MN1: variants seen among roughly 807,000 people sequenced by gnomAD.
MN1 encodes transcriptional activator MN1.
In MN1, 19 loss-of-function variants were observed where a neutral mutation model predicts 86.9. The observed-to-expected ratio is 0.22, with a 90% confidence interval of 0.15 to 0.32. The LOEUF is 0.32. Among genes scored for constraint, MN1 ranks in the 10% least tolerant of loss-of-function variants. The probability of loss-of-function intolerance (pLI) is 1.00; values close to 1 mark genes in which losing one functional copy is unlikely to be tolerated. For synonymous variants in MN1, 928 were observed against 849.6 expected, an observed-to-expected ratio of 1.09 and a Z score of -1.60; for missense variants, 1,841 against 1,862.0, an observed-to-expected ratio of 0.99 and a Z score of 0.21.
At chr22:27,769,552 A>ATTTTTTTTTTTTTTTTTTTTTTTTTTTT (rs58248602) in intron 1 of MN1, among the ~76,000 whole-genome samples, 1 of 83,268 alleles carries the variant, frequency 1.2e-5, no homozygotes, top group Non-Finnish European at 2.1e-5. Flanking sequence ...AAGGATGCCA[A>ATTTTTTTTTTTTTTTTTTTTTTTTTTTT]TTTTTTTTTT....
At chr22:27,790,819 C>T (rs1360815212) in intron 1 of MN1, among the ~76,000 whole-genome samples, 2 of 152,276 alleles carry the variant, frequency 1.3e-5, no homozygotes, top group East Asian at 1.9e-4. Flanking sequence ...CGAGGGGCGA[C>T]GTGCGTCTGC....
intron 1 of MN1, among the ~76,000 whole-genome samples, chr22:27,752,249 G>A (rs898574421): frequency 6.6e-5 from 10 of 152,132 alleles, no homozygotes; most frequent in Non-Finnish European, 5.9e-5. Context: ...AGTCAACCAG[G>A]CTGTTGATAT....
chr22:27,778,603 G>A (rs921835850), intron 1 of MN1, among the ~76,000 whole-genome samples: 1 of 152,206 alleles, frequency 6.6e-6, no homozygotes, highest in African/African-American at 2.4e-5. Flanking sequence ...TCCTCGCCAC[G>A]ACCCCGTTTA....
rs755169047 is a variant in MN1, at chr22:27,800,248, T to C, written c.296A>G (p.His99Arg). ...HGFFGGQQPH[H>R]GHPGSHHPHQ... ...GGGATGATGACTTCCCGGGTGGCCGTGGTGAGGCTGCTGGCCGCCAAAGAA... is the reference window on the plus strand; with the variant it reads ...GGGATGATGACTTCCCGGGTGGCCGCGGTGAGGCTGCTGGCCGCCAAAGAA... The change falls in exon 1 of 2, where the codon CAC becomes CGC. Residue 99 changes from histidine to arginine, a missense_variant. Transcript: ENST00000302326. 15 of 1,584,114 alleles carry C rather than the reference T, an allele frequency of 9.5e-6. No individual in the cohort carries two copies. Among genetic ancestry groups the C allele is most frequent in the Admixed American group, 7.1e-5 (4 of 56,054 alleles).
At chr22:27,789,744 T>C (rs913311575) in intron 1 of MN1, among the ~76,000 whole-genome samples, 3 of 152,246 alleles carry the variant, frequency 2.0e-5, no homozygotes, top group Admixed American at 6.5e-5. Context: ...TTCAGTTGCC[T>C]TATGTTTAAA....
At chr22:27,759,020 AGTTCACCAT>A (rs1422392985) in intron 1 of MN1, among the ~76,000 whole-genome samples, 1 of 151,988 alleles carries the variant, frequency 6.6e-6, no homozygotes, top group Non-Finnish European at 1.5e-5. Flanking sequence ...TACAGATGGG[AGTTCACCAT>A]GTTGCCCAAG....
At chr22:27,782,475 G>T (rs1011041297) in intron 1 of MN1, among the ~76,000 whole-genome samples, 1 of 152,194 alleles carries the variant, frequency 6.6e-6, no homozygotes, top group Non-Finnish European at 1.5e-5. Context: ...TCCCTAAGAT[G>T]GGACAAACAA....
intron 1 of MN1, among the ~76,000 whole-genome samples, chr22:27,790,384 G>A (rs978760300): frequency 1.3e-5 from 2 of 152,200 alleles, no homozygotes; most frequent in Non-Finnish European, 2.9e-5. Context: ...AAGATGGCAG[G>A]AAATGACCAG....
intron 1 of MN1, among the ~76,000 whole-genome samples, chr22:27,754,084 C>T (rs1369406343): frequency 6.6e-6 from 1 of 152,160 alleles, no homozygotes; most frequent in African/African-American, 2.4e-5. Flanking sequence ...AAGCTCCTTG[C>T]CAAAGGAGAG....
intron 1 of MN1, among the ~76,000 whole-genome samples, chr22:27,772,203 ACT>A (rs1312695117): frequency 6.6e-6 from 1 of 151,794 alleles, no homozygotes; most frequent in Non-Finnish European, 1.5e-5. Flanking sequence ...CTGCCAACAG[ACT>A]CAGCCCTCAG....
rs1331931583 is a variant in MN1 at position 27,799,639 on chromosome 22, T to TGCTGCTGCTGCTGGG, written c.890_904dup (p.Pro297_Gln301dup). ...ATGCTGCTGCTGCTGCTGCTGGGGC[T>TGCTGCTGCTGCTGGG]GCTGCTGCTGCTGGGGCTGCTGCTG... On this transcript the variant is annotated inframe_insertion, in exon 1 of 2. Transcript: ENST00000302326. 1 of 1,527,850 alleles carries TGCTGCTGCTGCTGGG rather than the reference T, an allele frequency of 6.5e-7. No individual in the cohort carries two copies. Among genetic ancestry groups the TGCTGCTGCTGCTGGG allele is most frequent in the South Asian group, 1.2e-5 (1 of 80,592 alleles). 94.6% of individuals were successfully genotyped at this position (1,527,850 alleles called of 1,614,324 possible). A position where few individuals can be genotyped will look rare whatever the true frequency, so the allele number is the denominator to read the frequency against.
intron 1 of MN1, among the ~76,000 whole-genome samples, chr22:27,757,001 T>C (rs964162146): frequency 6.6e-6 from 1 of 152,184 alleles, no homozygotes; most frequent in African/African-American, 2.4e-5. Flanking sequence ...GTTCAAGCAA[T>C]CCTCCCATCT....
rs945772538 is a variant in MN1 at position 27,788,647 on chromosome 22, T to C, written c.3781+8116A>G. 2.0e-5 allele frequency among the ~76,000 whole-genome samples: 3 copies of C among 151,896 alleles called. No individual in the cohort carries two copies. In the East Asian group the frequency reaches 5.8e-4, roughly 29 times the overall value. ...TTTTTTTTTTTTTGACATCTCATCC[T>C]TCCCTGAATGACTGGATGAGCAAGA... On this transcript the variant is annotated intron_variant, in intron 1 of 1. Coordinates refer to ENST00000302326, the MANE Select transcript of MN1 (RefSeq NM_002430.3).
rs1601318757 is a variant in MN1 at position 27,749,656 on chromosome 22, G to C, written c.*1259C>G. The C allele has an allele frequency of 8.6e-6, 2 of 231,814 alleles. No individual in the cohort carries two copies. The highest frequency in any genetic ancestry group is 1.2e-4 in the East Asian group (2 of 16,382). 14.4% of individuals were successfully genotyped at this position (231,814 alleles called of 1,614,324 possible). On this transcript the variant is annotated 3_prime_UTR_variant, in exon 2 of 2. Coordinates refer to ENST00000302326, the MANE Select transcript of MN1 (RefSeq NM_002430.3). ...AAAAAAATGTTGGGGAGGGGGCAGA[G>C]GAATTCCAGAGTTCAAAACTAAAAG...
chr22:27,797,176 C>A lies in MN1; in HGVS notation c.3368G>T (p.Gly1123Val), dbSNP rs759531060. The A allele has an allele frequency of 1.3e-6, 2 of 1,557,764 alleles. No individual in the cohort carries two copies. The highest frequency in any genetic ancestry group is 1.7e-6 in the Non-Finnish European group (2 of 1,155,532). Reference protein sequence around the residue: ...STPDSYGGGGGPGHPGTPGLE... With the variant: ...STPDSYGGGGVPGHPGTPGLE... ...GCCCGGAGTGCCCGGATGGCCCGGG[C>A]CCCCACCGCCGCCGTAGCTGTCAGG... is the stretch of plus-strand genomic sequence containing the variant. The change falls in exon 1 of 2, where the codon GGC becomes GTC. Residue 1123 changes from glycine (G) to valine (V), a missense_variant. Transcript: ENST00000302326.
Position 27,800,670 on chromosome 22 carries a change from G to C in MN1, c.-127C>G, listed in dbSNP as rs9613529. Reference sequence around the variant, plus strand: ...GGACGCTCAGCACCGCGGGGGCTCAGCGCGCACCTCCACCCCGCCTGATGT... The same window carrying C: ...GGACGCTCAGCACCGCGGGGGCTCACCGCGCACCTCCACCCCGCCTGATGT... On this transcript the variant is annotated 5_prime_UTR_variant, in exon 1 of 2. Coordinates refer to ENST00000302326, the MANE Select transcript of MN1 (RefSeq NM_002430.3). The C allele has an allele frequency of 7.3e-7, 1 of 1,367,396 alleles. No individual in the cohort carries two copies. The highest frequency in any genetic ancestry group is 2.5e-5 in the East Asian group (1 of 40,778). 84.7% of individuals were successfully genotyped at this position (1,367,396 alleles called of 1,614,324 possible).
chr22:27,799,799 G>A lies in MN1; in HGVS notation c.745C>T (p.Pro249Ser). Residue 249 changes from proline to serine, a missense_variant, in exon 1 of 2, where the codon CCC becomes TCC. Transcript: ENST00000302326. ...APSGHFDMFSPSDSEGQLPHY... is the reference protein window; with the variant it reads ...APSGHFDMFSSSDSEGQLPHY... Reference sequence around the variant, plus strand: ...GGCAGCTGCCCTTCGGAGTCAGAGGGCGAAAACATGTCAAAATGTCCCGAG... The same window carrying A: ...GGCAGCTGCCCTTCGGAGTCAGAGGACGAAAACATGTCAAAATGTCCCGAG... 6.3e-7 allele frequency: 1 copy of A among 1,596,406 alleles called. No homozygotes were observed. Among genetic ancestry groups the A allele is most frequent in the Non-Finnish European group, 8.5e-7 (1 of 1,170,294 alleles).
intron 1 of MN1, among the ~76,000 whole-genome samples, chr22:27,766,286 T>TG: frequency 6.6e-6 from 1 of 152,074 alleles, no homozygotes. Context: ...GTCTCCACCT[T>TG]GGGGGTTGGA....
chr22:27,800,602 C>T lies in MN1; in HGVS notation c.-59G>A. 1 of 1,607,746 alleles carries T rather than the reference C, an allele frequency of 6.2e-7. No homozygotes were observed. On this transcript the variant is annotated 5_prime_UTR_variant, in exon 1 of 2. Transcript: ENST00000302326. ...ATGACAGCCGGCTCTCCGCGGCGCG[C>T]CTCCGGCCAGCTACTCGTTCCAGCC...
Sources: gnomAD v4.1 joint callset for allele counts (sites outside exome capture counted in the v4.1 genomes callset) on GRCh38, gnomAD v4.1.1 for gene constraint, MANE v1.5 for transcripts, NCBI Gene and HGNC (gene_info 2026-07-23, HGNC 2026-07-21) for gene names.